WNK3: variants seen among roughly 807,000 people sequenced by gnomAD.
WNK3 encodes WNK lysine deficient protein kinase 3.
In WNK3, 18 loss-of-function variants were observed where a neutral mutation model predicts 116.7. The observed-to-expected ratio is 0.15, with a 90% confidence interval of 0.11 to 0.23. WNK3 has a LOEUF of 0.23. Ranked by LOEUF, WNK3 falls within the 10% of genes least tolerant of loss-of-function variation. The pLI, the probability that WNK3 is intolerant of heterozygous loss-of-function variation, is 1.00. For synonymous variants in WNK3, 404 were observed against 469.4 expected (o/e 0.86, Z 1.80); for missense variants, 993 against 1,323.8 (o/e 0.75, Z 3.88).
chrX:54,220,005 A>G (rs2067744521), intron 22 of WNK3, among the ~76,000 whole-genome samples: 1 of 111,894 alleles, frequency 8.9e-6, no homozygotes, highest in African/African-American at 3.2e-5. Context: ...TACAACTGAG[A>G]TTTGGAAATA....
intron 17 of WNK3, among the ~76,000 whole-genome samples, chrX:54,242,015 A>C (rs1278794706): frequency 9.0e-6 from 1 of 110,703 alleles, no homozygotes; most frequent in Non-Finnish European, 1.9e-5. Flanking sequence ...AAATAAAACT[A>C]TCTCTATTCA....
intron 22 of WNK3, among the ~76,000 whole-genome samples, chrX:54,213,510 C>T (rs1275113509): frequency 2.1e-5 from 2 of 93,993 alleles, no homozygotes; most frequent in African/African-American, 8.8e-5. Flanking sequence ...GCCGAGATCG[C>T]GCCACTGCAC....
At chrX:54,292,819 G>T in intron 10 of WNK3, 69 bp downstream of exon 10, 1 of 1,046,993 alleles carries the variant, frequency 9.6e-7, no homozygotes, top group Non-Finnish European at 1.3e-6. Flanking sequence ...GAGAACTTTT[G>T]CCTGTCAGAA....
intron 10 of WNK3, among the ~76,000 whole-genome samples, chrX:54,271,035 T>C (rs1168148234): frequency 8.9e-6 from 1 of 112,010 alleles, no homozygotes; most frequent in African/African-American, 3.2e-5. Context: ...CGCCTTGGCC[T>C]CCCAAAGTGC....
At chrX:54,310,059 C>T (rs1057289012) in intron 3 of WNK3, among the ~76,000 whole-genome samples, 1 of 109,962 alleles carries the variant, frequency 9.1e-6, no homozygotes, top group Non-Finnish European at 1.9e-5. Context: ...TTAATATTTA[C>T]AAGTCATTAT....
rs782630472 is a variant in WNK3, at chrX:54,203,815, T to C, written c.4871-1622A>G. ...TACAAAAATTAGCCAGGCGTGGGGG[T>C]GTGCGCCTGTAATCCCAGCTACTCG... On this transcript the variant is annotated intron_variant, in intron 22 of 23. Coordinates refer to ENST00000354646, the Ensembl canonical transcript of WNK3. Among the ~76,000 whole-genome samples, 10 of 108,914 alleles carry C rather than the reference T, an allele frequency of 9.2e-5. No homozygotes were observed. In the East Asian group the frequency reaches 2.9e-3, roughly 32 times the overall value. 94.6% of individuals were successfully genotyped at this position (108,914 alleles called of 115,157 possible). A position where few individuals can be genotyped will look rare whatever the true frequency, so the allele number is the denominator to read the frequency against.
At chrX:54,215,613 C>T (rs1222012278) in intron 22 of WNK3, among the ~76,000 whole-genome samples, 20 of 111,424 alleles carry the variant, frequency 1.8e-4, no homozygotes, top group Admixed American at 2.9e-4. Context: ...GCCGCCACCC[C>T]GTCTAGGAAG....
chrX:54,278,030 G>T (rs2068470505), intron 10 of WNK3, among the ~76,000 whole-genome samples: 1 of 107,746 alleles, frequency 9.3e-6, no homozygotes, highest in African/African-American at 3.4e-5. Flanking sequence ...GGAAGCAGAG[G>T]CTGCAGTGAG....
exon 13 of WNK3, chrX:54,254,023 T>C (rs1439911047): frequency 1.7e-6 from 2 of 1,209,915 alleles, no homozygotes; most frequent in Non-Finnish European, 2.2e-6. Flanking sequence ...GACCATCTTG[T>C]TGTTGTGTGT....
At chrX:54,342,502 G>A (rs1569539412) in intron 1 of WNK3, among the ~76,000 whole-genome samples, 1 of 109,148 alleles carries the variant, frequency 9.2e-6, no homozygotes, top group Non-Finnish European at 1.9e-5. Context: ...GGAGGCAGAG[G>A]TTGCGGTGAG....
chrX:54,306,830 T>G (rs2068831149), intron 5 of WNK3, among the ~76,000 whole-genome samples: 1 of 111,423 alleles, frequency 9.0e-6, no homozygotes, highest in Non-Finnish European at 1.9e-5. Flanking sequence ...GGGTGACAGA[T>G]ATGTTAACTA....
At chrX:54,286,245 T>C (rs1557163918) in intron 10 of WNK3, among the ~76,000 whole-genome samples, 1 of 109,587 alleles carries the variant, frequency 9.1e-6, no homozygotes, top group East Asian at 2.8e-4. Context: ...AAATGGTTTG[T>C]TAAACCCCTT....
At chrX:54,276,111 G>A (rs911065522) in intron 10 of WNK3, among the ~76,000 whole-genome samples, 3 of 111,040 alleles carry the variant, frequency 2.7e-5, no homozygotes, top group African/African-American at 9.8e-5. Context: ...AGGCTGAGGC[G>A]GGTGGATCAC....
chrX:54,288,822 T>C (rs1557164463), intron 10 of WNK3, among the ~76,000 whole-genome samples: 1 of 111,641 alleles, frequency 9.0e-6, no homozygotes, highest in Non-Finnish European at 1.9e-5. Context: ...ACCTTGGGGT[T>C]GTGTTAAATA....
chrX:54,212,062 T>C (rs2067622081), intron 22 of WNK3, among the ~76,000 whole-genome samples: 1 of 110,363 alleles, frequency 9.1e-6, no homozygotes, highest in Non-Finnish European at 1.9e-5. Flanking sequence ...CCGTCTCTAC[T>C]AAAAATACAA....
chrX:54,203,454 C>G (rs2067520883), intron 22 of WNK3, among the ~76,000 whole-genome samples: 1 of 111,558 alleles, frequency 9.0e-6, no homozygotes, highest in South Asian at 3.7e-4. Context: ...ATGCCTTATA[C>G]ATGTGTTATG....
At chrX:54,357,311 G>A (rs2069606641) in intron 1 of WNK3, among the ~76,000 whole-genome samples, 1 of 108,486 alleles carries the variant, frequency 9.2e-6, no homozygotes, top group Non-Finnish European at 1.9e-5. Flanking sequence ...TCTTCCATCA[G>A]CTCCCAAAGT....
chrX:54,198,242 C>A, exon 24 of WNK3: 3 of 882,767 alleles, frequency 3.4e-6, no homozygotes, highest in Non-Finnish European at 4.6e-6. Flanking sequence ...TGACAGAACC[C>A]AAGAGGAAGA....
intron 3 of WNK3, among the ~76,000 whole-genome samples, chrX:54,309,533 G>T (rs1443004023): frequency 9.0e-6 from 1 of 111,264 alleles, no homozygotes; most frequent in Non-Finnish European, 1.9e-5. Flanking sequence ...TGTTTGGTTG[G>T]TTGGTTGGTT....
Sources: allele counts gnomAD v4.1 joint callset (sites outside exome capture counted in the v4.1 genomes callset), GRCh38; gene constraint gnomAD v4.1.1; transcripts MANE v1.5; gene names NCBI Gene and HGNC (gene_info 2026-07-23, HGNC 2026-07-21).